CLSTN3: variants seen among roughly 807,000 people sequenced by gnomAD.
The protein encoded by CLSTN3 is calsyntenin 3.
A neutral mutation model predicts 95.9 loss-of-function variants in CLSTN3; 36 were observed. The ratio of observed to expected loss-of-function variants is 0.38; its 90% confidence interval spans 0.29 to 0.50. CLSTN3 has a LOEUF of 0.50. Ranked by LOEUF, CLSTN3 falls within the 20% of genes least tolerant of loss-of-function variation. CLSTN3 has a pLI of 0.95. For missense variants in CLSTN3, 1,084 were observed against 1,268.8 expected (o/e 0.85, Z 2.21); for synonymous variants, 481 against 504.0 (o/e 0.95, Z 0.61).
Position 7,157,595 on chromosome 12 carries a change from A to G in CLSTN3, c.2634A>G (p.Ser878=). The G allele has an allele frequency of 1.2e-6, 2 of 1,613,034 alleles. No homozygotes were observed. The highest frequency in any genetic ancestry group is 2.2e-5 in the South Asian group (2 of 90,848). ...TCCATTCCCTTCACCGCCGCGTCTC[A>G]GGGGCCGGCGGGCCTCCAGGGGCCT... The part of the protein sequence containing the change: ...VRIHSLHRRV[S]GAGGPPGASS... The change falls in exon 17 of 18, where the codon TCA becomes TCG. Residue 878 remains serine, a synonymous_variant. Transcript: ENST00000266546. The surrounding 1 kb of genome is among the most constrained non-coding windows in gnomAD (Gnocchi z 5.9).
In CLSTN3 at chr12:7,133,865, C is replaced by T. The variant is rs1429351482; in HGVS notation, c.383+97C>T. ...TGTCCGTGCGGTCATCGAATATCCA[C>T]CCCCACCCGCTGCTGTTCCTAGGAC... On this transcript the variant is annotated intron_variant, in intron 3 of 17. Transcript: ENST00000266546. This position sits in a 1 kb window ranked among gnomAD's most constrained non-coding sequence, Gnocchi z 4.7. The T allele has an allele frequency of 5.0e-5, 49 of 978,832 alleles. No homozygotes were observed. The highest frequency in any genetic ancestry group is 7.4e-5 in the Non-Finnish European group (49 of 666,296). The allele number at this position is 978,832 out of a possible 1,614,324, so 60.6% of individuals were successfully genotyped here.
chr12:7,149,272 C>A lies in CLSTN3; in HGVS notation c.2074+74C>A. 8.1e-7 allele frequency: 1 copy of A among 1,229,746 alleles called. No individual in the cohort carries two copies. The highest frequency in any genetic ancestry group is 1.2e-6 in the Non-Finnish European group (1 of 863,648). 76.2% of individuals were successfully genotyped at this position (1,229,746 alleles called of 1,614,324 possible). A position where few individuals can be genotyped will look rare whatever the true frequency, so the allele number is the denominator to read the frequency against. On this transcript the variant is annotated intron_variant, in intron 13 of 17. Transcript: ENST00000266546. This position sits in a 1 kb window ranked among gnomAD's most constrained non-coding sequence, Gnocchi z 4.5. ...CTGGAGTCAGAGTGTGGGAGAACTC[C>A]TGGGGCTGGAAGCAGAAAGCGACTC...
At chr12:7,139,656 ATTT>A (rs34540926) in intron 8 of CLSTN3, among the ~76,000 whole-genome samples, 1 of 143,264 alleles carries the variant, frequency 7.0e-6, no homozygotes, top group African/African-American at 2.6e-5. Flanking sequence ...TATTATTATT[ATTT>A]TTTTTTTTGA....
At chr12:7,138,828 G>C (rs1412068486) in intron 8 of CLSTN3, 1 of 33,550 alleles carries the variant, frequency 3.0e-5, no homozygotes, top group Non-Finnish European at 5.2e-5. Context: ...TAAGCAAACG[G>C]CAAAAAAAAA....
chr12:7,131,682 G>C, intron 1 of CLSTN3: 3 of 438,718 alleles, frequency 6.8e-6, no homozygotes, highest in Non-Finnish European at 1.4e-5. Context: ...GCTGTGCAGA[G>C]GGCGCCCAGC....
In CLSTN3 at chr12:7,148,992, G is replaced by A. The variant is rs755908198; in HGVS notation, c.1868G>A (p.Cys623Tyr). The A allele has an allele frequency of 1.3e-5, 21 of 1,614,174 alleles. No homozygotes were observed. In the South Asian group the frequency reaches 2.3e-4, roughly 18 times the overall value. ...TAVKCFSEES[C>Y]VSIPEVEGYV... The stretch of plus-strand genomic sequence containing the variant: ...CATAGGTGCTTCAGCGAAGAGTCCT[G>A]CGTCTCCATCCCTGAAGTGGAGGGC... The change falls in exon 13 of 18, where the codon TGC becomes TAC. Residue 623 changes from cysteine (C) to tyrosine (Y), a missense_variant. Coordinates refer to ENST00000266546, the MANE Select transcript of CLSTN3 (RefSeq NM_014718.4).
chr12:7,141,002 A>G lies in CLSTN3; in HGVS notation c.1324-240A>G, dbSNP rs1939515948. On this transcript the variant is annotated intron_variant, in intron 8 of 17. Coordinates refer to ENST00000266546, the MANE Select transcript of CLSTN3 (RefSeq NM_014718.4). This position sits in a 1 kb window ranked among gnomAD's most constrained non-coding sequence, Gnocchi z 4.1. ...TGTGTTACTCCTCTTAGGAATATTTATAGCTTTAACGATTTACCTGAAGAG... is the reference window on the plus strand; with the variant it reads ...TGTGTTACTCCTCTTAGGAATATTTGTAGCTTTAACGATTTACCTGAAGAG... 6.6e-6 allele frequency among the ~76,000 whole-genome samples: 1 copy of G among 152,220 alleles called. No individual in the cohort carries two copies. The highest frequency in any genetic ancestry group is 1.5e-5 in the Non-Finnish European group (1 of 68,044).
intron 1 of CLSTN3, chr12:7,131,912 C>T (rs1939312170): frequency 2.2e-6 from 1 of 455,684 alleles, no homozygotes; most frequent in South Asian, 1.6e-5. Flanking sequence ...GGGTTTCTTG[C>T]TCACCGTGAG....
chr12:7,156,543 G>A (rs1450879897), intron 16 of CLSTN3: 2 of 456,852 alleles, frequency 4.4e-6, no homozygotes, highest in Non-Finnish European at 8.8e-6. Context: ...CTCCCGCAGT[G>A]TGAGCAGGCG....
Position 7,151,038 on chromosome 12 carries a change from C to A in CLSTN3, c.2502C>A (p.Ser834Arg). 6.2e-7 allele frequency: 1 copy of A among 1,607,732 alleles called. No homozygotes were observed. The highest frequency in any genetic ancestry group is 1.7e-5 in the Admixed American group (1 of 59,144). ...HQPPPEMAGH[S>R]LASSHRNSMI... ...CCCCGCCTGAGATGGCTGGACACAG[C>A]CTAGCCAGCTCCCACAGAAACTCCA... The change falls in exon 16 of 18, where the codon AGC (serine) becomes AGA (arginine). Residue 834 changes from serine to arginine, a missense_variant. Physicochemically the swap from Ser to Arg is moderately radical, Grantham distance 110 (BLOSUM62 -1). Coordinates refer to ENST00000266546, the MANE Select transcript of CLSTN3 (RefSeq NM_014718.4).
In CLSTN3 at chr12:7,158,222, C is replaced by G. The variant is rs1939857452; in HGVS notation, c.*141C>G. On this transcript the variant is annotated 3_prime_UTR_variant, in exon 18 of 18. Coordinates refer to ENST00000266546, the MANE Select transcript of CLSTN3 (RefSeq NM_014718.4). ...ACCAGTCCTCCTTTCATTTCAAAAC[C>G]CCAGCGGGCCCTCTGGAGTCCGCCC... The G allele has an allele frequency of 9.3e-7, 1 of 1,077,852 alleles. No homozygotes were observed. The highest frequency in any genetic ancestry group is 1.3e-6 in the Non-Finnish European group (1 of 785,286). The allele number at this position is 1,077,852 out of a possible 1,614,324, so 66.8% of individuals were successfully genotyped here.
chr12:7,143,956 G>A (rs984203152), intron 12 of CLSTN3, among the ~76,000 whole-genome samples: 3 of 152,170 alleles, frequency 2.0e-5, no homozygotes, highest in East Asian at 1.9e-4. Flanking sequence ...TTTGCTGGCC[G>A]GGCACGGTGG....
chr12:7,142,213 C>T, intron 10 of CLSTN3, 74 bp downstream of exon 10: 1 of 1,328,226 alleles, frequency 7.5e-7, no homozygotes, highest in East Asian at 2.4e-5. Flanking sequence ...CTTTTCCACC[C>T]CAAATCCTAT....
chr12:7,146,389 G>A (rs1321509816), intron 12 of CLSTN3, among the ~76,000 whole-genome samples: 1 of 151,994 alleles, frequency 6.6e-6, no homozygotes, highest in Non-Finnish European at 1.5e-5. Context: ...GACAAAGCGA[G>A]ACCCTGTCTC....
rs1939528577 is a variant in CLSTN3 at position 7,141,656 on chromosome 12, A to C, written c.1486+252A>C. ...CGCATCCCCAGACTCTCTCTCTGTA[A>C]CTCCAGCCAGTTTCCACTTTTTTCC... is the stretch of plus-strand genomic sequence containing the variant. On this transcript the variant is annotated intron_variant, in intron 9 of 17. Transcript: ENST00000266546. The surrounding 1 kb of genome is among the most constrained non-coding windows in gnomAD (Gnocchi z 4.1). Among the ~76,000 whole-genome samples the C allele has an allele frequency of 6.6e-6, 1 of 151,868 alleles. No individual in the cohort carries two copies. The highest frequency in any genetic ancestry group is 2.1e-4 in the South Asian group (1 of 4,816).
At chr12:7,143,400 A>G in intron 12 of CLSTN3, 89 bp downstream of exon 12, 2 of 1,435,624 alleles carry the variant, frequency 1.4e-6, no homozygotes, top group Admixed American at 2.1e-5. Flanking sequence ...AGAGCTAGGC[A>G]TACCTCTTTT....
At chr12:7,143,581 G>T (rs1939570092) in intron 12 of CLSTN3, among the ~76,000 whole-genome samples, 1 of 152,228 alleles carries the variant, frequency 6.6e-6, no homozygotes, top group Admixed American at 6.5e-5. Flanking sequence ...TCTTCTCTAT[G>T]CCTCTGTGCT....
chr12:7,137,505 G>A lies in CLSTN3; in HGVS notation c.1210+395G>A, dbSNP rs904213294. Among the ~76,000 whole-genome samples, 5 of 152,196 alleles carry A rather than the reference G, an allele frequency of 3.3e-5. No homozygotes were observed. The highest frequency in any genetic ancestry group is 3.3e-4 in the Admixed American group (5 of 15,284). ...CTGGTTGGCCCCAACTCCGAGGCCT[G>A]TTCTTCCCTCAACTGCAGGGCCTAC... On this transcript the variant is annotated intron_variant, in intron 7 of 17. Coordinates refer to ENST00000266546, the MANE Select transcript of CLSTN3 (RefSeq NM_014718.4). This position sits in a 1 kb window ranked among gnomAD's most constrained non-coding sequence, Gnocchi z 4.4.
At chr12:7,131,473 G>A (rs1348467948) in intron 1 of CLSTN3, 1 of 270,776 alleles carries the variant, frequency 3.7e-6, no homozygotes, top group African/African-American at 2.3e-5. Context: ...GCGTGGGAGG[G>A]GGTAAGGAGG....
Sources: allele counts gnomAD v4.1 joint callset (sites outside exome capture counted in the v4.1 genomes callset), GRCh38; gene constraint gnomAD v4.1.1; non-coding constraint Gnocchi (gnomAD v3.1); transcripts MANE v1.5; gene names NCBI Gene and HGNC (gene_info 2026-07-23, HGNC 2026-07-21).